The following ZRANB3 variants were observed in gnomAD, a reference collection of about 807,000 sequenced individuals.
The protein encoded by ZRANB3 is zinc finger RANBP2-type containing 3, also known as DNA annealing helicase and endonuclease ZRANB3.
ZRANB3 carries 125 observed loss-of-function variants against 133.8 expected under a neutral mutation model. The ratio of observed to expected loss-of-function variants is 0.93; its 90% CI spans 0.81 to 1.08. ZRANB3 has a LOEUF of 1.08. Ranked by LOEUF, ZRANB3 falls within the 50% of genes least tolerant of loss-of-function variation. The pLI, the probability that ZRANB3 is intolerant of heterozygous loss-of-function variation, is 0.00. For missense variants in ZRANB3, 1,229 were observed against 1,275.5 expected, an observed-to-expected ratio of 0.96 and a Z score of 0.56; for synonymous variants, 387 against 432.7, an observed-to-expected ratio of 0.89 and a Z score of 1.31.
intron 3 of ZRANB3, among the ~76,000 whole-genome samples, chr2:135,370,829 C>G (rs916846260): frequency 6.6e-6 from 1 of 152,134 alleles, no homozygotes; most frequent in Non-Finnish European, 1.5e-5. Context: ...AGGGTGGGAC[C>G]AGGTGGAGGT....
intron 17 of ZRANB3, among the ~76,000 whole-genome samples, chr2:135,213,791 A>G (rs1349765502): frequency 6.6e-6 from 1 of 152,172 alleles, no homozygotes; most frequent in African/African-American, 2.4e-5. Flanking sequence ...AATGCTATAA[A>G]AGGACTTTAC....
chr2:135,490,712 A>G (rs1216120605), intron 2 of ZRANB3, among the ~76,000 whole-genome samples: 1 of 152,248 alleles, frequency 6.6e-6, no homozygotes, highest in East Asian at 1.9e-4. Flanking sequence ...AATGTACTCA[A>G]TAGCCAAAAT....
chr2:135,504,855 G>A (rs1006759355), intron 1 of ZRANB3, among the ~76,000 whole-genome samples: 3 of 152,020 alleles, frequency 2.0e-5, no homozygotes, highest in South Asian at 2.1e-4. Flanking sequence ...GCTAGAGAAA[G>A]ATGAATCCTT....
intron 6 of ZRANB3, among the ~76,000 whole-genome samples, chr2:135,342,068 C>G (rs1309245611): frequency 1.3e-5 from 2 of 149,968 alleles, no homozygotes; most frequent in African/African-American, 5.1e-5. Context: ...ACACTCCCTA[C>G]CTTTTGAAAA....
At chr2:135,365,403 A>T (rs1438537784) in intron 3 of ZRANB3, among the ~76,000 whole-genome samples, 1 of 152,360 alleles carries the variant, frequency 6.6e-6, no homozygotes, top group East Asian at 1.9e-4. Context: ...CCTTGCTTTG[A>T]TTATATATCT....
At chr2:135,290,823 T>C (rs576966028) in intron 8 of ZRANB3, among the ~76,000 whole-genome samples, 1 of 152,326 alleles carries the variant, frequency 6.6e-6, no homozygotes, top group East Asian at 1.9e-4. Flanking sequence ...TTGAGCTTCT[T>C]GTATTTGGAT....
At chr2:135,393,744 G>C (rs970141459) in intron 2 of ZRANB3, among the ~76,000 whole-genome samples, 4 of 152,044 alleles carry the variant, frequency 2.6e-5, no homozygotes, top group Admixed American at 2.0e-4. Context: ...CAGAAAGAAA[G>C]AACAATTATC....
chr2:135,271,838 T>C lies in ZRANB3; in HGVS notation c.1136A>G (p.His379Arg), dbSNP rs752530242. The change falls in exon 10 of 21, where the codon CAT becomes CGT. Residue 379 changes from histidine to arginine, a missense_variant. His to Arg is a conservative substitution (Grantham distance 29). Transcript: ENST00000264159. The part of the protein sequence containing the change: ...DGSVSSSERI[H>R]LVNQFQKDPD... ...ATCCTTTTGAAACTGATTAACCAGA[T>C]GTATTCTTTCTGAAGATGAAACACT... The C allele has an allele frequency of 1.2e-6, 2 of 1,613,826 alleles. No individual in the cohort carries two copies. Among genetic ancestry groups the C allele is most frequent in the Non-Finnish European group, 1.7e-6 (2 of 1,179,816 alleles).
At chr2:135,488,268 T>C (rs1692210310) in intron 2 of ZRANB3, among the ~76,000 whole-genome samples, 1 of 152,108 alleles carries the variant, frequency 6.6e-6, no homozygotes, top group Non-Finnish European at 1.5e-5. Context: ...AGATCACTAA[T>C]TACTGATCAC....
intron 2 of ZRANB3, among the ~76,000 whole-genome samples, chr2:135,455,519 C>A (rs1167966760): frequency 6.7e-6 from 1 of 149,798 alleles, no homozygotes; most frequent in Non-Finnish European, 1.5e-5. Flanking sequence ...ACAAGAGTTT[C>A]TTTTTCAACC....
At chr2:135,427,961 C>T (rs1227948785) in intron 2 of ZRANB3, among the ~76,000 whole-genome samples, 1 of 152,146 alleles carries the variant, frequency 6.6e-6, no homozygotes, top group Non-Finnish European at 1.5e-5. Context: ...GTAAGGAACA[C>T]TTATTCAATA....
intron 8 of ZRANB3, among the ~76,000 whole-genome samples, chr2:135,283,101 A>G (rs1681168680): frequency 6.6e-6 from 1 of 151,340 alleles, no homozygotes. Flanking sequence ...ACTGGGCAAC[A>G]TAGTGGGTGC....
chr2:135,339,154 G>A (rs544905948), intron 6 of ZRANB3, among the ~76,000 whole-genome samples: 1 of 152,170 alleles, frequency 6.6e-6, no homozygotes, highest in South Asian at 2.1e-4. Flanking sequence ...GCTCATGCCT[G>A]TAATCCCAGC....
chr2:135,207,609 C>CA lies in ZRANB3; in HGVS notation c.2833dup (p.Trp945LeufsTer5), dbSNP rs757141518. On this transcript the variant is annotated frameshift_variant, in exon 19 of 21. Coordinates refer to ENST00000264159, the MANE Select transcript of ZRANB3 (RefSeq NM_032143.4). LOFTEE classifies it high-confidence loss of function. ...CAGGTAACTGTTATTAGATCGAATC[C>CA]AAAACTCTTCCTGACATTTCAGAGA... is the stretch of plus-strand genomic sequence containing the variant. 1.8e-5 allele frequency: 29 copies of CA among 1,613,844 alleles called. No homozygotes were observed. Among genetic ancestry groups the CA allele is most frequent in the African/African-American group, 4.0e-5 (3 of 74,902 alleles).
chr2:135,511,327 A>G (rs1693442602), intron 1 of ZRANB3: 3 of 866,866 alleles, frequency 3.5e-6, no homozygotes, highest in African/African-American at 3.3e-5. Context: ...TCAGATACAC[A>G]TTCTTGTTCT....
intron 2 of ZRANB3, among the ~76,000 whole-genome samples, chr2:135,415,195 T>C (rs1167019578): frequency 6.7e-6 from 1 of 149,842 alleles, no homozygotes; most frequent in Admixed American, 6.7e-5. Flanking sequence ...ATCAACAAAA[T>C]TGATAGACCA....
Position 135,318,212 on chromosome 2 carries a change from TTGTGTGTGTGTGTGTGTGTG to T in ZRANB3, c.678-2702_678-2683del, listed in dbSNP as rs58455313. Among the ~76,000 whole-genome samples, 61 of 136,970 alleles carry T rather than the reference TTGTGTGTGTGTGTGTGTGTG, an allele frequency of 4.5e-4. No homozygotes were observed. The South Asian group carries it at 6.0e-3, about 14-fold the overall frequency. 89.9% of individuals were successfully genotyped at this position (136,970 alleles called of 152,430 possible). A position where few individuals can be genotyped will look rare whatever the true frequency, so the allele number is the denominator to read the frequency against. ...TTTCCTATGCTATTTACACACTATT[TTGTGTGTGTGTGTGTGTGTG>T]TGTGTGTGTGTGTGTGTGTGTGTGT... On this transcript the variant is annotated intron_variant, in intron 6 of 20. Transcript: ENST00000264159.
chr2:135,494,335 A>AGAAG (rs966983145), intron 2 of ZRANB3, among the ~76,000 whole-genome samples: 2 of 151,212 alleles, frequency 1.3e-5, no homozygotes, highest in Admixed American at 6.6e-5. Flanking sequence ...AAAAGAAAAA[A>AGAAG]GAAGGAAGGA....
intron 3 of ZRANB3, among the ~76,000 whole-genome samples, chr2:135,369,420 G>C (rs1686073009): frequency 6.6e-6 from 1 of 152,092 alleles, no homozygotes; most frequent in Non-Finnish European, 1.5e-5. Flanking sequence ...ATTAGAACCT[G>C]CAGAAAATGT....
Sources: gnomAD v4.1 joint callset for allele counts (sites outside exome capture counted in the v4.1 genomes callset) on GRCh38, gnomAD v4.1.1 for gene constraint, MANE v1.5 for transcripts, NCBI Gene and HGNC (gene_info 2026-07-23, HGNC 2026-07-21) for gene names.